SCGN: variants seen among roughly 807,000 people sequenced by gnomAD.
SCGN encodes the protein secretagogin.
Under a neutral mutation model 39.7 loss-of-function variants are expected in SCGN, and 30 were observed. The observed-to-expected ratio is 0.76, with a 90% CI of 0.57 to 1.03. The LOEUF is 1.03. Among genes scored for constraint, SCGN ranks in the 50% least tolerant of loss-of-function variants. The pLI is 0.00. For missense variants in SCGN, 353 were observed against 349.4 expected (o/e 1.01, Z -0.08); for synonymous variants, 106 against 114.1 (o/e 0.93, Z 0.45).
chr6:25,697,629 T>A (rs1239633495), intron 10 of SCGN, among the ~76,000 whole-genome samples: 2 of 152,206 alleles, frequency 1.3e-5, no homozygotes, highest in Non-Finnish European at 2.9e-5. Flanking sequence ...AGGATAGTCA[T>A]TCACTAATTT....
intron 6 of SCGN, among the ~76,000 whole-genome samples, chr6:25,680,634 T>A (rs1759626532): frequency 6.6e-6 from 1 of 152,220 alleles, no homozygotes; most frequent in Non-Finnish European, 1.5e-5. Context: ...TCTATTAAGA[T>A]AGAACCTCTC....
intron 6 of SCGN, among the ~76,000 whole-genome samples, chr6:25,674,271 T>C (rs1055531995): frequency 6.6e-6 from 1 of 152,180 alleles, no homozygotes; most frequent in Non-Finnish European, 1.5e-5. Context: ...CACCCAAAGA[T>C]TTGAGTTTGA....
chr6:25,677,492 A>C (rs1759579167), intron 6 of SCGN, among the ~76,000 whole-genome samples: 1 of 152,206 alleles, frequency 6.6e-6, no homozygotes, highest in Non-Finnish European at 1.5e-5. Context: ...AGCATATGGC[A>C]ATAATTTCCA....
At position 25,701,202 on chromosome 6, in the gene SCGN, C is replaced by A; in HGVS notation, c.703-5C>A. ...CTGTTAACATGTTACTTTTGTCGCC[C>A]TCAGCCCAGCATCAGCGGGGTGGAC... On this transcript the variant is annotated splice_polypyrimidine_tract_variant and splice_region_variant and intron_variant, in intron 10 of 10. Transcript: ENST00000377961. The A allele has an allele frequency of 6.2e-7, 1 of 1,608,306 alleles. No homozygotes were observed. Among genetic ancestry groups the A allele is most frequent in the South Asian group, 1.1e-5 (1 of 89,694 alleles).
intron 6 of SCGN, among the ~76,000 whole-genome samples, chr6:25,675,528 C>T (rs1343826905): frequency 6.6e-6 from 1 of 152,234 alleles, no homozygotes; most frequent in Non-Finnish European, 1.5e-5. Context: ...TGTCTTTATT[C>T]CAAGCCCTGT....
chr6:25,671,625 A>G (rs1759498991), intron 6 of SCGN, among the ~76,000 whole-genome samples: 1 of 152,194 alleles, frequency 6.6e-6, no homozygotes, highest in Non-Finnish European at 1.5e-5. Flanking sequence ...CTGAGTAAAT[A>G]TGTGCTCAGC....
At chr6:25,688,576 C>A (rs563422118) in intron 7 of SCGN, among the ~76,000 whole-genome samples, 2 of 152,132 alleles carry the variant, frequency 1.3e-5, no homozygotes, top group South Asian at 2.1e-4. Flanking sequence ...CCGAGCCCGG[C>A]GGATCACGAG....
At chr6:25,700,389 T>A (rs1469725088) in intron 10 of SCGN, among the ~76,000 whole-genome samples, 1 of 152,238 alleles carries the variant, frequency 6.6e-6, no homozygotes, top group East Asian at 1.9e-4. Context: ...GAGAATGGTA[T>A]GAAATTTTGC....
intron 10 of SCGN, among the ~76,000 whole-genome samples, chr6:25,692,382 T>C (rs1759783346): frequency 6.6e-6 from 1 of 152,234 alleles, no homozygotes; most frequent in South Asian, 2.1e-4. Flanking sequence ...TGGCCTCTTA[T>C]GCATTGGAGC....
chr6:25,693,802 T>C (rs1362675327), intron 10 of SCGN, among the ~76,000 whole-genome samples: 2 of 152,192 alleles, frequency 1.3e-5, no homozygotes, highest in Non-Finnish European at 2.9e-5. Context: ...CTGATGAGAA[T>C]TCGAGCTAAG....
At position 25,701,198 on chromosome 6, in the gene SCGN, C is replaced by T. The variant is rs375144894; in HGVS notation, c.703-9C>T. ...TTGCCTGTTAACATGTTACTTTTGT[C>T]GCCCTCAGCCCAGCATCAGCGGGGT... On this transcript the variant is annotated splice_polypyrimidine_tract_variant and intron_variant, in intron 10 of 10. Transcript: ENST00000377961. 1.5e-5 allele frequency: 24 copies of T among 1,604,366 alleles called. No individual in the cohort carries two copies. Among genetic ancestry groups the T allele is most frequent in the East Asian group, 4.5e-5 (2 of 44,634 alleles).
chr6:25,687,621 A>G (rs1759722189), intron 7 of SCGN, among the ~76,000 whole-genome samples: 1 of 152,154 alleles, frequency 6.6e-6, no homozygotes, highest in East Asian at 1.9e-4. Context: ...TGTATCATCT[A>G]TAAAGAGATA....
intron 2 of SCGN, among the ~76,000 whole-genome samples, chr6:25,657,661 A>G (rs1472627409): frequency 2.0e-5 from 3 of 148,966 alleles, no homozygotes; most frequent in Non-Finnish European, 4.4e-5. Context: ...TTTTATATAT[A>G]TATATAATAT....
At chr6:25,688,156 C>T (rs1055335119) in intron 7 of SCGN, among the ~76,000 whole-genome samples, 3 of 152,048 alleles carry the variant, frequency 2.0e-5, no homozygotes, top group Non-Finnish European at 4.4e-5. Flanking sequence ...ATATATTTAC[C>T]GCTCCTGGTG....
intron 6 of SCGN, among the ~76,000 whole-genome samples, chr6:25,677,871 T>C (rs1223442014): frequency 6.6e-6 from 1 of 152,212 alleles, no homozygotes; most frequent in Non-Finnish European, 1.5e-5. Flanking sequence ...TCCCACCACA[T>C]GACAGTAGTT....
intron 4 of SCGN, among the ~76,000 whole-genome samples, chr6:25,665,666 G>T (rs554788244): frequency 1.4e-4 from 22 of 152,304 alleles, no homozygotes; most frequent in African/African-American, 2.4e-4. Flanking sequence ...TTTCCCCAAG[G>T]CCAGAGCAGC....
intron 6 of SCGN, among the ~76,000 whole-genome samples, chr6:25,676,026 G>C (rs1255122824): frequency 6.6e-6 from 1 of 152,138 alleles, no homozygotes; most frequent in African/African-American, 2.4e-5. Context: ...CCAAAGATCT[G>C]CTCCACTACT....
At chr6:25,683,200 C>T (rs79133497) in intron 7 of SCGN, among the ~76,000 whole-genome samples, 2,968 of 152,296 alleles carry the variant, frequency 0.019, 64 homozygotes, top group African/African-American at 0.06. Flanking sequence ...GAAGGCATCT[C>T]GCCTCTGCTC....
At chr6:25,658,132 C>T (rs550600064) in intron 2 of SCGN, among the ~76,000 whole-genome samples, 18 of 142,612 alleles carry the variant, frequency 1.3e-4, no homozygotes, top group East Asian at 4.5e-4. Context: ...CTCCGCCTCA[C>T]GGGTTCAAGC....
Sources: gnomAD v4.1 joint callset for allele counts (sites outside exome capture counted in the v4.1 genomes callset) on GRCh38, gnomAD v4.1.1 for gene constraint, MANE v1.5 for transcripts, NCBI Gene and HGNC (gene_info 2026-07-23, HGNC 2026-07-21) for gene names.